AGAP1: variants seen among roughly 807,000 people sequenced by gnomAD.
AGAP1 encodes ArfGAP with GTPase domain, ankyrin repeat and PH domain 1, also known as arf-GAP with GTPase, ANK repeat and PH domain-containing protein 1.
AGAP1 carries 29 observed loss-of-function variants against 105.3 expected under a neutral mutation model. The observed-to-expected ratio is 0.28, with a 90% CI of 0.21 to 0.38. The LOEUF is 0.38. Among genes scored for constraint, AGAP1 ranks in the 10% least tolerant of loss-of-function variants. The pLI, the probability that AGAP1 is intolerant of heterozygous loss-of-function variation, is 1.00. For synonymous variants in AGAP1, 509 were observed against 485.9 expected (o/e 1.05, Z -0.63); for missense variants, 998 against 1,165.1 (o/e 0.86, Z 2.09).
At position 235,973,202 on chromosome 2, in the gene AGAP1, T is replaced by A. The variant is rs2054725433; in HGVS notation, c.1645+4579T>A. 6.6e-6 allele frequency among the ~76,000 whole-genome samples: 1 copy of A among 152,146 alleles called. No individual in the cohort carries two copies. The highest frequency in any genetic ancestry group is 2.1e-4 in the South Asian group (1 of 4,824). On this transcript the variant is annotated intron_variant, in intron 13 of 17. Transcript: ENST00000304032. The surrounding 1 kb of genome is among the most constrained non-coding windows in gnomAD (Gnocchi z 4.7). The stretch of plus-strand genomic sequence containing the variant: ...CCCTGCGCAGGTGCTCGCTGTGCTC[T>A]TTTTGCTGAAGAACAGCCACTTTGT...
chr2:235,516,678 A>G (rs1197090035), intron 1 of AGAP1, among the ~76,000 whole-genome samples: 1 of 152,070 alleles, frequency 6.6e-6, no homozygotes, highest in Non-Finnish European at 1.5e-5. Context: ...GCTTCCCATC[A>G]TACCTGGAGA....
At position 235,994,412 on chromosome 2, in the gene AGAP1, G is replaced by A. The variant is rs531613602; in HGVS notation, c.1645+25789G>A. Among the ~76,000 whole-genome samples the A allele has an allele frequency of 1.8e-4, 27 of 152,198 alleles. No individual in the cohort carries two copies. The highest frequency in any genetic ancestry group is 5.1e-4 in the African/African-American group (21 of 41,498). On this transcript the variant is annotated intron_variant, in intron 13 of 17. Coordinates refer to ENST00000304032, the MANE Select transcript of AGAP1 (RefSeq NM_001037131.3). The surrounding 1 kb of genome is among the most constrained non-coding windows in gnomAD (Gnocchi z 4.4). ...CACCTCAAAATTCATTTCTTCTCAC[G>A]TAACAACTTTCTTAGTGCTTGTACT...
intron 1 of AGAP1, among the ~76,000 whole-genome samples, chr2:235,514,652 G>A (rs1005133943): frequency 1.3e-5 from 2 of 152,254 alleles, no homozygotes; most frequent in African/African-American, 4.8e-5. Context: ...AGGCCATTCC[G>A]ATGGCTCCTG....
At chr2:235,942,687 T>G (rs1345289664) in intron 12 of AGAP1, among the ~76,000 whole-genome samples, 1 of 151,798 alleles carries the variant, frequency 6.6e-6, no homozygotes, top group African/African-American at 2.4e-5. Context: ...AAAAAAAAAT[T>G]ACATTTTAAA....
chr2:235,555,043 G>A lies in AGAP1; in HGVS notation c.163+60194G>A, dbSNP rs1654414690. Among the ~76,000 whole-genome samples the A allele has an allele frequency of 6.6e-6, 1 of 152,206 alleles. No homozygotes were observed. The highest frequency in any genetic ancestry group is 1.5e-5 in the Non-Finnish European group (1 of 68,038). ...CAATTGTAGAGGGTCCTGGAGAGGAGGTGGAGCAGTTGCCTTCTCAGCATC... is the reference window on the plus strand; with the variant it reads ...CAATTGTAGAGGGTCCTGGAGAGGAAGTGGAGCAGTTGCCTTCTCAGCATC... On this transcript the variant is annotated intron_variant, in intron 1 of 17. Transcript: ENST00000304032. The surrounding 1 kb of genome is among the most constrained non-coding windows in gnomAD (Gnocchi z 5.1).
rs566317544 is a variant in AGAP1, at chr2:235,904,086, A to G, written c.1156-4652A>G. 6.6e-6 allele frequency among the ~76,000 whole-genome samples: 1 copy of G among 152,312 alleles called. No homozygotes were observed. ...TCATTGCACCTCATTTGCATCTGGG[A>G]CATCAATTAGCATGTTTGTTGAGGC... On this transcript the variant is annotated intron_variant, in intron 10 of 17. Transcript: ENST00000304032. The surrounding 1 kb of genome is among the most constrained non-coding windows in gnomAD (Gnocchi z 4.2).
chr2:236,037,842 T>C (rs2057428846), intron 14 of AGAP1, among the ~76,000 whole-genome samples: 1 of 152,196 alleles, frequency 6.6e-6, no homozygotes, highest in African/African-American at 2.4e-5. Flanking sequence ...TCTTAGACTT[T>C]TGGAGAGCAT....
chr2:235,813,306 A>T (rs1958261584), intron 9 of AGAP1, among the ~76,000 whole-genome samples: 1 of 152,238 alleles, frequency 6.6e-6, no homozygotes, highest in Non-Finnish European at 1.5e-5. Flanking sequence ...AAAGCAATCG[A>T]AAAGAATACT....
At position 235,723,207 on chromosome 2, in the gene AGAP1, T is replaced by A. The variant is rs1405984729; in HGVS notation, c.310+5563T>A. Among the ~76,000 whole-genome samples, 1 of 152,204 alleles carries A rather than the reference T, an allele frequency of 6.6e-6. No individual in the cohort carries two copies. Among genetic ancestry groups the A allele is most frequent in the African/African-American group, 2.4e-5 (1 of 41,450 alleles). On this transcript the variant is annotated intron_variant, in intron 3 of 17. Coordinates refer to ENST00000304032, the MANE Select transcript of AGAP1 (RefSeq NM_001037131.3). The surrounding 1 kb of genome is among the most constrained non-coding windows in gnomAD (Gnocchi z 6.2). ...ATAAAGAGAATGAGATGAAAATTAG[T>A]TATTTGCCAATTGAGCCCTATTAAT...
chr2:235,776,907 C>T lies in AGAP1; in HGVS notation c.674-20852C>T, dbSNP rs138845465. Reference sequence around the variant, plus strand: ...TTGGCTGCAACCTCTCTGGCTTTTCCGCCAAACTGGAATCAGCCTCGGAGC... The same window carrying T: ...TTGGCTGCAACCTCTCTGGCTTTTCTGCCAAACTGGAATCAGCCTCGGAGC... On this transcript the variant is annotated intron_variant, in intron 6 of 17. Transcript: ENST00000304032. The T allele has an allele frequency of 3.8e-3, 1,774 of 470,750 alleles. 9 individuals carry two copies. Among genetic ancestry groups the T allele is most frequent in the Non-Finnish European group, 5.0e-3 (1,141 of 227,056 alleles). 29.2% of individuals were successfully genotyped at this position (470,750 alleles called of 1,614,324 possible).
intron 6 of AGAP1, among the ~76,000 whole-genome samples, chr2:235,784,163 A>G (rs1185972650): frequency 6.6e-6 from 1 of 152,198 alleles, no homozygotes. Context: ...TACATTAAAA[A>G]TGTCATTGTA....
chr2:235,507,625 T>G (rs2149018236), intron 1 of AGAP1: 1 of 152,266 alleles, frequency 6.6e-6, no homozygotes, highest in African/African-American at 2.4e-5. Context: ...GTGCCCTTTG[T>G]GTCATTTTGT....
rs530721789 is a variant in AGAP1, at chr2:235,754,944, G to A, written c.673+4456G>A. Reference sequence around the variant, plus strand: ...TGCTTTCTGGGGGTGGAGCGTTCTCGCTCCTGCTCACAGGCGAGTTTGTGT... The same window carrying A: ...TGCTTTCTGGGGGTGGAGCGTTCTCACTCCTGCTCACAGGCGAGTTTGTGT... On this transcript the variant is annotated intron_variant, in intron 6 of 17. Transcript: ENST00000304032. This position sits in a 1 kb window ranked among gnomAD's most constrained non-coding sequence, Gnocchi z 4.6. Among the ~76,000 whole-genome samples, 27 of 152,248 alleles carry A rather than the reference G, an allele frequency of 1.8e-4. No homozygotes were observed. The highest frequency in any genetic ancestry group is 3.4e-4 in the Non-Finnish European group (23 of 68,042).
At chr2:236,106,465 C>T (rs915338674) in intron 16 of AGAP1, among the ~76,000 whole-genome samples, 3 of 152,250 alleles carry the variant, frequency 2.0e-5, no homozygotes, top group Admixed American at 1.3e-4. Flanking sequence ...GTGCGTGACT[C>T]GGCTAGCCCC....
At chr2:235,616,409 G>A (rs1288015458) in intron 1 of AGAP1, among the ~76,000 whole-genome samples, 1 of 151,852 alleles carries the variant, frequency 6.6e-6, no homozygotes, top group East Asian at 1.9e-4. Flanking sequence ...TAAGTTCAGT[G>A]TTAAAAACAA....
intron 12 of AGAP1, among the ~76,000 whole-genome samples, chr2:235,945,821 G>GT (rs2053470863): frequency 8.2e-6 from 1 of 121,734 alleles, no homozygotes; most frequent in African/African-American, 5.8e-5. Context: ...CTTGGCTTCC[G>GT]GGGGGGTGCC....
chr2:236,109,142 G>A lies in AGAP1; in HGVS notation c.2115-11050G>A, dbSNP rs1039566931. Among the ~76,000 whole-genome samples, 1 of 152,056 alleles carries A rather than the reference G, an allele frequency of 6.6e-6. No homozygotes were observed. The highest frequency in any genetic ancestry group is 1.5e-5 in the Non-Finnish European group (1 of 68,030). ...GTTGTGTGTAGGTGTGACTCTCCCC[G>A]CGCTCTCCAGGTGTCCCCAGAGGTC... On this transcript the variant is annotated intron_variant, in intron 16 of 17. Transcript: ENST00000304032. The surrounding 1 kb of genome is among the most constrained non-coding windows in gnomAD (Gnocchi z 5.4).
intron 13 of AGAP1, 77 bp downstream of exon 13, chr2:235,968,700 A>G: frequency 1.4e-6 from 2 of 1,445,206 alleles, no homozygotes; most frequent in Non-Finnish European, 1.9e-6. Flanking sequence ...GCGTGAAATT[A>G]GACACCCTTA....
At chr2:236,107,962 A>G (rs1179254957) in intron 16 of AGAP1, among the ~76,000 whole-genome samples, 1 of 152,224 alleles carries the variant, frequency 6.6e-6, no homozygotes, top group Non-Finnish European at 1.5e-5. Flanking sequence ...CACTCATAAT[A>G]TTGATCAGAA....
Sources: gnomAD v4.1 joint callset for allele counts (sites outside exome capture counted in the v4.1 genomes callset) on GRCh38, gnomAD v4.1.1 for gene constraint, Gnocchi (gnomAD v3.1) non-coding constraint, MANE v1.5 for transcripts, NCBI Gene and HGNC (gene_info 2026-07-23, HGNC 2026-07-21) for gene names.